The following MRPL15 variants were observed in gnomAD, a reference collection of about 807,000 sequenced individuals.
MRPL15 encodes mitochondrial ribosomal protein L15, also known as large ribosomal subunit protein uL15m.
MRPL15 carries 24 observed loss-of-function variants against 28.0 expected under a neutral mutation model. The ratio of observed to expected loss-of-function variants is 0.86; its 90% confidence interval spans 0.62 to 1.21. MRPL15 has a LOEUF of 1.21. Ranked by LOEUF, MRPL15 falls within the 50% of genes most tolerant of loss-of-function variation. MRPL15 has a pLI of 0.00. For missense variants in MRPL15, 343 were observed against 372.4 expected (o/e 0.92, Z 0.65); for synonymous variants, 124 against 137.0 (o/e 0.90, Z 0.66).
intron 4 of MRPL15, among the ~76,000 whole-genome samples, chr8:54,145,354 A>G (rs1811024601): frequency 6.6e-6 from 1 of 152,128 alleles, no homozygotes; most frequent in Admixed American, 6.6e-5. Flanking sequence ...AGCTGGGACT[A>G]CAGGTGTGTG....
At chr8:54,137,913 G>C (rs978241462) in intron 3 of MRPL15, among the ~76,000 whole-genome samples, 2 of 152,110 alleles carry the variant, frequency 1.3e-5, no homozygotes, top group Non-Finnish European at 2.9e-5. Context: ...CTTGGTCCTG[G>C]AATGCTGCTC....
At chr8:54,140,445 T>C (rs932745820) in intron 3 of MRPL15, among the ~76,000 whole-genome samples, 3 of 151,376 alleles carry the variant, frequency 2.0e-5, no homozygotes, top group African/African-American at 7.3e-5. Flanking sequence ...TATTTTTTAG[T>C]AGAGATGGGG....
chr8:54,144,018 A>G (rs1245733985), intron 4 of MRPL15, among the ~76,000 whole-genome samples: 2 of 152,246 alleles, frequency 1.3e-5, no homozygotes, highest in African/African-American at 4.8e-5. Flanking sequence ...ACGCACAGTC[A>G]CATCCTGTCC....
intron 3 of MRPL15, among the ~76,000 whole-genome samples, chr8:54,140,574 C>CTTTT (rs71551976): frequency 8.0e-5 from 8 of 99,608 alleles, no homozygotes; most frequent in African/African-American, 2.9e-4. Context: ...ATTTTCTTTT[C>CTTTT]TTTTTTTTTT....
At position 54,147,290 on chromosome 8, in the gene MRPL15, CAGAGTTACATCTCTATGTT is replaced by C. The variant is rs1247700603; in HGVS notation, c.554-76_554-58del. 7.2e-4 allele frequency: 667 copies of C among 927,924 alleles called. 2 individuals are homozygous for C. The African/African-American group carries it at 0.01, about 14-fold the overall frequency. The allele number at this position is 927,924 out of a possible 1,614,324, so 57.5% of individuals were successfully genotyped here. ...GAAACTCTGTAACATCTCTATGGTA[CAGAGTTACATCTCTATGTT>C]AGAGTTACATCTCTAGGTATGTCTA... On this transcript the variant is annotated intron_variant, in intron 4 of 4. Coordinates refer to ENST00000260102, the MANE Select transcript of MRPL15 (RefSeq NM_014175.4).
chr8:54,137,885 C>A (rs1177982362), intron 3 of MRPL15, among the ~76,000 whole-genome samples: 1 of 151,964 alleles, frequency 6.6e-6, no homozygotes, highest in African/African-American at 2.4e-5. Context: ...GTCATACTAT[C>A]ATGGCAGGGC....
Position 54,147,509 on chromosome 8 carries a change from C to G in MRPL15, c.681C>G (p.Ala227=). The change falls in exon 5 of 5, where the codon GCC becomes GCG. Residue 227 remains alanine, a synonymous_variant. Coordinates refer to ENST00000260102, the MANE Select transcript of MRPL15 (RefSeq NM_014175.4). ...ACCGTGGGTACCTGGCGGATCCTGC[C>G]AAATTTCCTGAAGCACGACTTGAAC... is the stretch of plus-strand genomic sequence containing the variant. ...AKNRGYLADP[A]KFPEARLELA... is the part of the protein sequence containing the mutation. The G allele has an allele frequency of 6.2e-7, 1 of 1,614,136 alleles. No individual in the cohort carries two copies. Among genetic ancestry groups the G allele is most frequent in the Non-Finnish European group, 8.5e-7 (1 of 1,180,032 alleles).
chr8:54,135,488 G>C, intron 1 of MRPL15, 97 bp downstream of exon 1: 2 of 995,342 alleles, frequency 2.0e-6, no homozygotes, highest in Non-Finnish European at 2.8e-6. Context: ...CTTTCTAGGA[G>C]AGTGTTGGGA....
At chr8:54,137,706 T>C (rs192300830) in intron 3 of MRPL15, among the ~76,000 whole-genome samples, 40 of 152,220 alleles carry the variant, frequency 2.6e-4, no homozygotes, top group Admixed American at 2.4e-3. Context: ...TTAAGTGATC[T>C]GCTCACCTCG....
chr8:54,136,702 A>G (rs750021192), intron 2 of MRPL15, 37 bp downstream of exon 2: 32 of 1,553,558 alleles, frequency 2.1e-5, no homozygotes, highest in South Asian at 6.0e-5. Context: ...CAGGTCCCCA[A>G]TTTCCATTAA....
intron 3 of MRPL15, 99 bp from the exon 4 acceptor site, chr8:54,142,564 C>A: frequency 7.2e-7 from 1 of 1,386,552 alleles, no homozygotes; most frequent in Non-Finnish European, 9.8e-7. Flanking sequence ...ATGTTATAGG[C>A]ACTTTGGAGG....
rs578105990 is a variant in MRPL15 at position 54,140,951 on chromosome 8, C to T, written c.430-1712C>T. On this transcript the variant is annotated intron_variant, in intron 3 of 4. Transcript: ENST00000260102. ...GGTTTTTTTTTTTTCAGCTTAGAGG[C>T]TATAATAAAGTCAATAGTGAATGCA... 3.3e-5 allele frequency among the ~76,000 whole-genome samples: 5 copies of T among 151,270 alleles called. No homozygotes were observed. In the South Asian group the frequency reaches 1.0e-3, roughly 31 times the overall value.
intron 4 of MRPL15, among the ~76,000 whole-genome samples, chr8:54,147,062 G>A (rs1371065110): frequency 2.6e-5 from 4 of 152,058 alleles, no homozygotes; most frequent in Admixed American, 6.6e-5. Flanking sequence ...GTCAAACCCC[G>A]TCTCTACTAA....
At chr8:54,136,379 C>A in intron 1 of MRPL15, 132 bp from the exon 2 acceptor site, 2 of 932,736 alleles carry the variant, frequency 2.1e-6, no homozygotes, top group Non-Finnish European at 3.2e-6. Flanking sequence ...GCAACTAGGA[C>A]ATGCTTGACA....
At chr8:54,136,259 T>G (rs1344493549) in intron 1 of MRPL15, among the ~76,000 whole-genome samples, 1 of 152,240 alleles carries the variant, frequency 6.6e-6, no homozygotes, top group Non-Finnish European at 1.5e-5. Flanking sequence ...AAAAACCTTA[T>G]CCCCATCCTA....
intron 4 of MRPL15, among the ~76,000 whole-genome samples, chr8:54,143,834 T>C (rs1375677090): frequency 3.9e-5 from 6 of 152,220 alleles, no homozygotes; most frequent in Admixed American, 6.5e-5. Flanking sequence ...GTGTACTGTG[T>C]ACTTCAGCCT....
In MRPL15 at chr8:54,142,714, G is replaced by A. The variant is rs140295154; in HGVS notation, c.481G>A (p.Glu161Lys). 1 of 1,614,150 alleles carries A rather than the reference G, an allele frequency of 6.2e-7. No individual in the cohort carries two copies. The highest frequency in any genetic ancestry group is 1.1e-5 in the South Asian group (1 of 91,086). ...KVNIEVQLAS[E>K]LAIAAIEKNG... Reference sequence around the variant, plus strand: ...TAATATTGAAGTACAGTTGGCTTCAGAACTAGCTATTGCTGCCATTGAAAA... The same window carrying A: ...TAATATTGAAGTACAGTTGGCTTCAAAACTAGCTATTGCTGCCATTGAAAA... The change falls in exon 4 of 5, where the codon GAA becomes AAA. Residue 161 changes from glutamate (E) to lysine (K), a missense_variant. Coordinates refer to ENST00000260102, the MANE Select transcript of MRPL15 (RefSeq NM_014175.4).
Position 54,135,298 on chromosome 8 carries a change from G to C in MRPL15, c.15G>C (p.Leu5Phe). Residue 5 changes from leucine (L) to phenylalanine (F), a missense_variant, in exon 1 of 5, where the codon TTG becomes TTC. Transcript: ENST00000260102. ...ATCTGCGGGTTATGGCCGGTCCCTT[G>C]CAGGGCGGTGGGGCCCGGGCCCTGG... is the stretch of plus-strand genomic sequence containing the variant. Reference protein sequence around the residue: MAGPLQGGGARALDL... With the variant: MAGPFQGGGARALDL... The C allele has an allele frequency of 7.1e-7, 1 of 1,399,200 alleles. No homozygotes were observed. Among genetic ancestry groups the C allele is most frequent in the Non-Finnish European group, 9.4e-7 (1 of 1,068,814 alleles). The allele number at this position is 1,399,200 out of a possible 1,614,324, so 86.7% of individuals were successfully genotyped here.
chr8:54,138,658 G>A (rs1810869779), intron 3 of MRPL15, among the ~76,000 whole-genome samples: 1 of 151,996 alleles, frequency 6.6e-6, no homozygotes, highest in Non-Finnish European at 1.5e-5. Flanking sequence ...AAGAGCACTT[G>A]CCCTGCTTCA....
Sources: allele counts gnomAD v4.1 joint callset (sites outside exome capture counted in the v4.1 genomes callset), GRCh38; gene constraint gnomAD v4.1.1; transcripts MANE v1.5; gene names NCBI Gene and HGNC (gene_info 2026-07-23, HGNC 2026-07-21).